Variants in ADK observed in about 807,000 individuals in gnomAD.
The protein encoded by ADK is adenosine kinase.
In ADK, 24 loss-of-function variants were observed where a neutral mutation model predicts 44.7. That is an observed-to-expected ratio of 0.54 (90% CI 0.39 to 0.76). The LOEUF (loss-of-function observed/expected upper bound fraction) is 0.76. Ranked by LOEUF, ADK falls within the 30% of genes least tolerant of loss-of-function variation. The pLI is 0.00. For synonymous variants in ADK, 128 were observed against 142.6 expected, an observed-to-expected ratio of 0.90 and a Z score of 0.73; for missense variants, 321 against 425.1, an observed-to-expected ratio of 0.76 and a Z score of 2.15.
chr10:74,329,106 C>CAAAAAAAAAA (rs138730631), intron 4 of ADK, among the ~76,000 whole-genome samples: 5 of 82,122 alleles, frequency 6.1e-5, no homozygotes, highest in South Asian at 5.1e-4. Context: ...TCTGTGCAGG[C>CAAAAAAAAAA]AAAAAAAAAA....
In ADK at chr10:74,566,051, C is replaced by T. The variant is rs537745555; in HGVS notation, c.727-23231C>T. 3.9e-5 allele frequency among the ~76,000 whole-genome samples: 6 copies of T among 152,154 alleles called. No homozygotes were observed. In the East Asian group the frequency reaches 5.8e-4, roughly 15 times the overall value. ...TAATTCTAAATCCCATCAAATAAGA[C>T]AATGCATGATACAAAGGATAAATTT... On this transcript the variant is annotated intron_variant, in intron 7 of 10. Coordinates refer to ENST00000539909, the MANE Select transcript of ADK (RefSeq NM_006721.4).
intron 3 of ADK, among the ~76,000 whole-genome samples, chr10:74,309,559 G>A (rs1840366598): frequency 6.6e-6 from 1 of 152,154 alleles, no homozygotes; most frequent in South Asian, 2.1e-4. Flanking sequence ...TCTCTTATAA[G>A]CAGAGTTATA....
intron 1 of ADK, among the ~76,000 whole-genome samples, chr10:74,188,225 C>G (rs1378595650): frequency 6.6e-6 from 1 of 151,286 alleles, no homozygotes; most frequent in Non-Finnish European, 1.5e-5. Flanking sequence ...CATTTGCATT[C>G]TTGATGTTGG....
chr10:74,170,750 A>C (rs1289424369), intron 1 of ADK, among the ~76,000 whole-genome samples: 1 of 150,736 alleles, frequency 6.6e-6, no homozygotes, highest in Non-Finnish European at 1.5e-5. Flanking sequence ...CAGTGAGCCG[A>C]GATCGCGCCA....
intron 3 of ADK, among the ~76,000 whole-genome samples, chr10:74,237,583 T>G (rs1473940205): frequency 1.3e-5 from 2 of 152,222 alleles, no homozygotes; most frequent in Non-Finnish European, 2.9e-5. Flanking sequence ...CAGGAGGTTT[T>G]CATTTTAGTT....
intron 7 of ADK, among the ~76,000 whole-genome samples, chr10:74,573,554 T>A (rs1274477149): frequency 6.6e-6 from 1 of 152,202 alleles, no homozygotes; most frequent in African/African-American, 2.4e-5. Context: ...TAGGGACATT[T>A]AAGTCTGCAG....
intron 7 of ADK, among the ~76,000 whole-genome samples, chr10:74,570,433 A>G (rs1850908794): frequency 6.6e-6 from 1 of 151,978 alleles, no homozygotes; most frequent in Non-Finnish European, 1.5e-5. Flanking sequence ...ATTTGTTTGT[A>G]TCCTCTTTTA....
chr10:74,405,405 T>C (rs762745260), intron 6 of ADK, among the ~76,000 whole-genome samples: 4 of 151,826 alleles, frequency 2.6e-5, no homozygotes, highest in South Asian at 4.2e-4. Flanking sequence ...TCTAATTTTA[T>C]TCAGTTTAGA....
At chr10:74,528,495 G>A (rs1589220685) in intron 7 of ADK, among the ~76,000 whole-genome samples, 2 of 148,562 alleles carry the variant, frequency 1.3e-5, no homozygotes, top group Non-Finnish European at 1.5e-5. Context: ...CAAAGTACAA[G>A]CAACAAATGG....
intron 9 of ADK, among the ~76,000 whole-genome samples, chr10:74,619,880 C>G (rs1038119285): frequency 6.6e-6 from 1 of 152,094 alleles, no homozygotes; most frequent in Non-Finnish European, 1.5e-5. Context: ...GCCACCACAC[C>G]TGGCTAATTT....
intron 4 of ADK, among the ~76,000 whole-genome samples, chr10:74,390,625 G>A (rs969060872): frequency 2.0e-5 from 3 of 152,104 alleles, no homozygotes; most frequent in Non-Finnish European, 4.4e-5. Context: ...CAAGATTCCA[G>A]ATGTCACAGT....
At chr10:74,371,832 G>C (rs751625280) in intron 4 of ADK, 27 of 1,283,004 alleles carry the variant, frequency 2.1e-5, no homozygotes, top group African/African-American at 4.4e-5. Flanking sequence ...CACTCCAATT[G>C]TTGGCCACTT....
intron 6 of ADK, among the ~76,000 whole-genome samples, chr10:74,418,120 A>G (rs1844437336): frequency 6.6e-6 from 1 of 152,140 alleles, no homozygotes. Context: ...GTAGAGGAAA[A>G]TTTCATCAAG....
At chr10:74,156,969 A>G (rs971503988) in intron 1 of ADK, among the ~76,000 whole-genome samples, 1 of 152,250 alleles carries the variant, frequency 6.6e-6, no homozygotes, top group African/African-American at 2.4e-5. Flanking sequence ...AGGAGCTAGT[A>G]GAAATAACAT....
chr10:74,646,142 C>T (rs1393805581), intron 9 of ADK, among the ~76,000 whole-genome samples: 1 of 152,192 alleles, frequency 6.6e-6, no homozygotes, highest in African/African-American at 2.4e-5. Flanking sequence ...CCTCATGCAT[C>T]TTGTCACTTA....
rs542333130 is a variant in ADK at position 74,286,252 on chromosome 10, A to G, written c.195-28415A>G. 3.3e-5 allele frequency among the ~76,000 whole-genome samples: 5 copies of G among 152,260 alleles called. No homozygotes were observed. The South Asian group carries it at 8.3e-4, about 25-fold the overall frequency. On this transcript the variant is annotated intron_variant, in intron 3 of 10. Coordinates refer to ENST00000539909, the MANE Select transcript of ADK (RefSeq NM_006721.4). ...ATTTTTGCAGAAACAGACTCTTGCT[A>G]TGTTGCTCAGACTGGTCTCAAACTC...
chr10:74,260,738 C>T (rs1846010683), intron 3 of ADK, among the ~76,000 whole-genome samples: 1 of 152,066 alleles, frequency 6.6e-6, no homozygotes, highest in Non-Finnish European at 1.5e-5. Flanking sequence ...TAACTGTGTT[C>T]CCTGCTTACT....
intron 3 of ADK, among the ~76,000 whole-genome samples, chr10:74,288,489 A>C (rs908749259): frequency 2.6e-5 from 4 of 152,060 alleles, no homozygotes; most frequent in Non-Finnish European, 5.9e-5. Context: ...ATCTCTACCA[A>C]AAATACAAAA....
intron 8 of ADK, among the ~76,000 whole-genome samples, chr10:74,589,698 C>G (rs374745865): frequency 6.6e-6 from 1 of 152,080 alleles, no homozygotes; most frequent in Non-Finnish European, 1.5e-5. Context: ...TGGAACAAGA[C>G]TAAATAATGA....
Sources: gnomAD v4.1 joint callset for allele counts (sites outside exome capture counted in the v4.1 genomes callset) on GRCh38, gnomAD v4.1.1 for gene constraint, MANE v1.5 for transcripts, NCBI Gene and HGNC (gene_info 2026-07-23, HGNC 2026-07-21) for gene names.